The following ADSL variants were observed in gnomAD, a reference collection of about 807,000 sequenced individuals.
ADSL encodes the protein adenylosuccinase.
ADSL carries 44 observed loss-of-function variants against 62.1 expected under a neutral mutation model. The observed-to-expected ratio is 0.71, with a 90% confidence interval of 0.56 to 0.91. The LOEUF is 0.91. Ranked by LOEUF, ADSL falls within the 40% of genes least tolerant of loss-of-function variation. The pLI is 0.00. For missense variants in ADSL, 531 were observed against 627.4 expected (o/e 0.85, Z 1.64); for synonymous variants, 198 against 220.5 (o/e 0.90, Z 0.90).
intron 12 of ADSL, 139 bp downstream of exon 12, chr22:40,365,195 T>C: frequency 1.1e-6 from 1 of 949,958 alleles, no homozygotes. Context: ...AAAACTTAGA[T>C]ATTTCGGTTT....
At chr22:40,383,255 C>G (rs993643752) in intron 2 of ADSL, among the ~76,000 whole-genome samples, 5 of 151,980 alleles carry the variant, frequency 3.3e-5, no homozygotes, top group Admixed American at 2.6e-4. Flanking sequence ...ATCACGAGGT[C>G]AGGAGATCAA....
intron 2 of ADSL, among the ~76,000 whole-genome samples, chr22:40,384,520 C>T (rs1319165758): frequency 6.6e-6 from 1 of 152,164 alleles, no homozygotes; most frequent in Non-Finnish European, 1.5e-5. Context: ...GTGGCTCACG[C>T]CTGTAATCCC....
At position 40,359,307 on chromosome 22, in the gene ADSL, G is replaced by A. The variant is rs546878201; in HGVS notation, c.701+1G>A. 1.2e-6 allele frequency: 2 copies of A among 1,614,030 alleles called. No individual in the cohort carries two copies. Among genetic ancestry groups the A allele is most frequent in the South Asian group, 1.1e-5 (1 of 91,072 alleles). ...TGACAGAAAAGGCAGGATTTAAGAG[G>A]TAGGTAAATGGGAATGTGTTGGCCT... On this transcript the variant is annotated splice_donor_variant, in intron 6 of 12. Coordinates refer to ENST00000623063, the MANE Select transcript of ADSL (RefSeq NM_000026.4). LOFTEE classifies it high-confidence loss of function.
chr22:40,365,558 TA>T (rs2044971442), intron 12 of ADSL, among the ~76,000 whole-genome samples: 1 of 152,102 alleles, frequency 6.6e-6, no homozygotes, highest in African/African-American at 2.4e-5. Flanking sequence ...GTACTGTATT[TA>T]ATTCTGGGGA....
At chr22:40,371,999 C>A (rs1012889481), downstream of ADSL, among the ~76,000 whole-genome samples, 5 of 152,048 alleles carry the variant, frequency 3.3e-5, no homozygotes, top group Admixed American at 3.3e-4. Context: ...TGCGCCAGGC[C>A]CGATTAATTT....
chr22:40,365,154 G>C (rs1425115466), intron 12 of ADSL, 98 bp downstream of exon 12: 1 of 1,300,038 alleles, frequency 7.7e-7, no homozygotes, highest in Admixed American at 1.7e-5. Context: ...GAATGGGCTA[G>C]TTAGAAGAAA....
chr22:40,379,254 C>T (rs2047168447), intron 2 of ADSL: 2 of 152,196 alleles, frequency 1.3e-5, no homozygotes, highest in Non-Finnish European at 2.9e-5. Context: ...ACTCAATAAA[C>T]ATATGTTGAT....
chr22:40,358,970 G>A lies in ADSL; in HGVS notation c.589G>A (p.Gly197Arg). The part of the protein sequence containing the change: ...KRVRDDLRFR[G>R]VKGTTGTQAS... ...TGTCCGAGATGACCTGCGCTTCCGG[G>A]GAGTAAAGGGTACCACTGGCACTCA... Residue 197 changes from glycine to arginine, a missense_variant, in exon 5 of 13, where the codon GGA (glycine) becomes AGA (arginine). By Grantham distance (125) the Gly-to-Arg change is moderately radical (BLOSUM62 -2). This residue lies in a region of ADSL where 471 missense variants were observed against 592.9 expected (regional missense o/e 0.79). Transcript: ENST00000623063. 1 of 1,614,150 alleles carries A rather than the reference G, an allele frequency of 6.2e-7. No homozygotes were observed. Among genetic ancestry groups the A allele is most frequent in the Non-Finnish European group, 8.5e-7 (1 of 1,180,034 alleles).
chr22:40,378,503 C>T (rs1479458186), intron 2 of ADSL, among the ~76,000 whole-genome samples: 1 of 151,732 alleles, frequency 6.6e-6, no homozygotes, highest in Non-Finnish European at 1.5e-5. Flanking sequence ...CTAAGGCGGG[C>T]AGATCACTTG....
At chr22:40,359,401 T>C in intron 6 of ADSL, 95 bp downstream of exon 6, 1 of 1,303,628 alleles carries the variant, frequency 7.7e-7, no homozygotes, top group African/African-American at 1.5e-5. Flanking sequence ...TTTTGCCTTT[T>C]TCTTCCTTTG....
At chr22:40,370,827 TC>T (rs970873177), downstream of ADSL, 1 of 151,986 alleles carries the variant, frequency 6.6e-6, no homozygotes, top group African/African-American at 2.4e-5. Context: ...AAGCACCGCC[TC>T]GGGCCGGAGA....
intron 6 of ADSL, 77 bp downstream of exon 6, chr22:40,359,383 C>A: frequency 6.7e-7 from 1 of 1,496,866 alleles, no homozygotes; most frequent in Non-Finnish European, 9.3e-7. Flanking sequence ...CAGATTTGAC[C>A]TTACAATTTT....
rs768999974 is a variant in ADSL at position 40,366,472 on chromosome 22, T to G, written c.1405T>G (p.Leu469Val). The change falls in exon 13 of 13, where the codon TTA (leucine) becomes GTA (valine). Residue 469 changes from leucine to valine, a missense_variant. This residue lies in a region of ADSL where 471 missense variants were observed against 592.9 expected (regional missense o/e 0.79). Transcript: ENST00000623063. Reference protein sequence around the residue: ...RFLEEEVYPLLKPYESVMKVK... With the variant: ...RFLEEEVYPLVKPYESVMKVK... ...CTTAGAAGAGGAGGTGTATCCCCTG[T>G]TAAAACCATATGAAAGCGTGATGAA... 1 of 1,613,710 alleles carries G rather than the reference T, an allele frequency of 6.2e-7. No homozygotes were observed. The highest frequency in any genetic ancestry group is 1.1e-5 in the South Asian group (1 of 91,086).
At position 40,369,210 on chromosome 22, in the gene ADSL, T is replaced by C. The variant is rs1009740138; in HGVS notation, c.*2688T>C. 6.6e-5 allele frequency: 10 copies of C among 152,200 alleles called. No individual in the cohort carries two copies. The highest frequency in any genetic ancestry group is 2.2e-4 in the African/African-American group (9 of 41,450). The allele number at this position is 152,200 out of a possible 1,614,324, so 9.4% of individuals were successfully genotyped here. ...CTGTTAGACTAATGATCTCCAGTGA[T>C]TGGCGATTTGACCTGGTTTCTTCCT... On this transcript the variant is annotated 3_prime_UTR_variant, in exon 13 of 13. Transcript: ENST00000623063.
chr22:40,371,474 CA>C (rs2049593365), downstream of ADSL, among the ~76,000 whole-genome samples: 1 of 152,088 alleles, frequency 6.6e-6, no homozygotes, highest in Admixed American at 6.6e-5. Flanking sequence ...TTAGTAAATT[CA>C]AGTCAAATCA....
intron 11 of ADSL, 184 bp from the exon 12 acceptor site, chr22:40,364,696 G>A: frequency 1.5e-6 from 1 of 683,696 alleles, no homozygotes; most frequent in Non-Finnish European, 2.6e-6. Flanking sequence ...TTTCAGGCTT[G>A]TCCTAAGATG....
chr22:40,346,803 C>A, intron 1 of ADSL, 92 bp downstream of exon 1: 1 of 1,343,518 alleles, frequency 7.4e-7, no homozygotes, highest in South Asian at 1.3e-5. Flanking sequence ...TTAGCCACCC[C>A]GGAGCTGCGG....
rs756875098 is a variant in ADSL, at chr22:40,364,139, T to C, written c.1102-137T>C. ...GTAAGAAAACTGAAAAAACATCATA[T>C]AGAATAAAACAACTTGTTACTCTCC... is the stretch of plus-strand genomic sequence containing the variant. On this transcript the variant is annotated intron_variant, in intron 10 of 12. Transcript: ENST00000623063. 4.4e-5 allele frequency: 32 copies of C among 730,536 alleles called. No individual in the cohort carries two copies. In the African/African-American group the frequency reaches 4.7e-4, roughly 11 times the overall value. 45.3% of individuals were successfully genotyped at this position (730,536 alleles called of 1,614,324 possible).
intron 4 of ADSL, 81 bp from the exon 5 acceptor site, chr22:40,358,783 T>G: frequency 1.5e-6 from 2 of 1,355,768 alleles, no homozygotes; most frequent in Non-Finnish European, 2.1e-6. Context: ...GGGGTAATGG[T>G]GGTTATTAAA....
Sources: gnomAD v4.1 joint callset for allele counts (sites outside exome capture counted in the v4.1 genomes callset) on GRCh38, gnomAD v4.1.1 for gene constraint, gnomAD v4.1.1 regional missense constraint, MANE v1.5 for transcripts, NCBI Gene and HGNC (gene_info 2026-07-23, HGNC 2026-07-21) for gene names.